The following MACROD2 variants were observed in gnomAD, a reference collection of about 807,000 sequenced individuals.
MACROD2 encodes ADP-ribose glycohydrolase MACROD2.
In MACROD2, 36 loss-of-function variants were observed where a neutral mutation model predicts 70.4. The ratio of observed to expected loss-of-function variants is 0.51; its 90% CI spans 0.39 to 0.68. The LOEUF (loss-of-function observed/expected upper bound fraction) is 0.68. Among genes scored for constraint, MACROD2 ranks in the 30% least tolerant of loss-of-function variants. The pLI is 0.00. For missense variants in MACROD2, 496 were observed against 538.4 expected, an observed-to-expected ratio of 0.92 and a Z score of 0.78; for synonymous variants, 172 against 178.8, an observed-to-expected ratio of 0.96 and a Z score of 0.30.
chr20:15,737,820 C>T (rs1807316339), intron 8 of MACROD2, among the ~76,000 whole-genome samples: 2 of 151,890 alleles, frequency 1.3e-5, no homozygotes, highest in Non-Finnish European at 2.9e-5. Flanking sequence ...GGGGAATAGA[C>T]ATATGTAATG....
At chr20:14,967,444 G>A (rs983848990) in intron 5 of MACROD2, among the ~76,000 whole-genome samples, 5 of 152,020 alleles carry the variant, frequency 3.3e-5, no homozygotes, top group Non-Finnish European at 5.9e-5. Flanking sequence ...GATTACAGGC[G>A]TGAGCCACCG....
At chr20:15,868,395 C>T (rs144818181) in intron 9 of MACROD2, among the ~76,000 whole-genome samples, 3 of 152,234 alleles carry the variant, frequency 2.0e-5, no homozygotes, top group African/African-American at 7.2e-5. Context: ...GTCCTCCTGC[C>T]ACCACCCCAC....
intron 8 of MACROD2, among the ~76,000 whole-genome samples, chr20:15,858,607 T>C (rs1344029706): frequency 1.3e-5 from 2 of 152,204 alleles, no homozygotes; most frequent in African/African-American, 2.4e-5. Flanking sequence ...GCTCATGAAT[T>C]TGAAATCAGC....
At chr20:15,247,235 A>T (rs1021099755) in intron 6 of MACROD2, among the ~76,000 whole-genome samples, 1 of 152,210 alleles carries the variant, frequency 6.6e-6, no homozygotes, top group African/African-American at 2.4e-5. Context: ...TGTCCTGTTT[A>T]TCCTGGAGGA....
chr20:15,412,233 A>G (rs1399063665), intron 6 of MACROD2, among the ~76,000 whole-genome samples: 1 of 152,166 alleles, frequency 6.6e-6, no homozygotes, highest in African/African-American at 2.4e-5. Context: ...TGTTAATGAG[A>G]CACATGAGGA....
intron 5 of MACROD2, among the ~76,000 whole-genome samples, chr20:14,969,387 CACACACACACACACATAT>C (rs1471235725): frequency 6.6e-6 from 1 of 150,766 alleles, no homozygotes; most frequent in East Asian, 1.9e-4. Flanking sequence ...CACACACACA[CACACACACACACACATAT>C]ATAAGCATTT....
At chr20:14,455,898 A>T (rs1431265420) in intron 3 of MACROD2, among the ~76,000 whole-genome samples, 1 of 150,504 alleles carries the variant, frequency 6.6e-6, no homozygotes, top group Non-Finnish European at 1.5e-5. Context: ...TAAATGTATT[A>T]AAAAAATGGT....
chr20:15,202,415 C>T (rs1328441494), intron 5 of MACROD2, among the ~76,000 whole-genome samples: 2 of 152,128 alleles, frequency 1.3e-5, no homozygotes, highest in South Asian at 2.1e-4. Context: ...TGGACAACTT[C>T]GTGTATTTCT....
intron 8 of MACROD2, among the ~76,000 whole-genome samples, chr20:15,815,398 G>A (rs2063862500): frequency 6.7e-6 from 1 of 148,838 alleles, no homozygotes; most frequent in Non-Finnish European, 1.5e-5. Flanking sequence ...GTTTTTAAAT[G>A]GCAAAACAAT....
intron 8 of MACROD2, among the ~76,000 whole-genome samples, chr20:15,585,359 G>A (rs746395845): frequency 7.1e-4 from 108 of 152,108 alleles, no homozygotes; most frequent in Non-Finnish European, 1.1e-3. Context: ...ATTGTGCCTA[G>A]ATAATTTTTT....
chr20:15,803,427 A>T (rs2063743087), intron 8 of MACROD2, among the ~76,000 whole-genome samples: 2 of 152,098 alleles, frequency 1.3e-5, no homozygotes, highest in African/African-American at 2.4e-5. Context: ...AGAAAGAGAA[A>T]ATATATTTCA....
At chr20:15,177,822 T>C (rs1222927470) in intron 5 of MACROD2, among the ~76,000 whole-genome samples, 5 of 152,202 alleles carry the variant, frequency 3.3e-5, no homozygotes, top group Non-Finnish European at 5.9e-5. Context: ...AAATTTCCAT[T>C]GAATGAATTG....
intron 3 of MACROD2, among the ~76,000 whole-genome samples, chr20:14,474,226 T>A (rs1476496539): frequency 6.6e-6 from 1 of 152,146 alleles, no homozygotes; most frequent in Non-Finnish European, 1.5e-5. Context: ...GATTTTGAGG[T>A]CTTATCCAAA....
chr20:15,198,116 C>G (rs2076622499), intron 5 of MACROD2, among the ~76,000 whole-genome samples: 1 of 152,058 alleles, frequency 6.6e-6, no homozygotes, highest in Non-Finnish European at 1.5e-5. Flanking sequence ...CGTGTACCAC[C>G]ACACCGGCTA....
chr20:14,526,989 T>A (rs528538432), intron 4 of MACROD2, among the ~76,000 whole-genome samples: 1 of 152,224 alleles, frequency 6.6e-6, no homozygotes, highest in Non-Finnish European at 1.5e-5. Flanking sequence ...TATGTGGACT[T>A]GGAGAATGAG....
intron 4 of MACROD2, among the ~76,000 whole-genome samples, chr20:14,579,435 C>T (rs368263136): frequency 2.0e-5 from 3 of 152,138 alleles, no homozygotes; most frequent in African/African-American, 7.2e-5. Context: ...GCCACCGCGC[C>T]CGGCCAACTG....
chr20:15,192,010 CTATG>C (rs1390642824), intron 5 of MACROD2, among the ~76,000 whole-genome samples: 12 of 111,406 alleles, frequency 1.1e-4, no homozygotes, highest in African/African-American at 4.1e-4. Flanking sequence ...CCTCTATTAA[CTATG>C]TATCTATCTA....
chr20:15,838,122 G>A (rs2064133815), intron 8 of MACROD2, among the ~76,000 whole-genome samples: 2 of 152,046 alleles, frequency 1.3e-5, no homozygotes, highest in South Asian at 2.1e-4. Flanking sequence ...TCAAGATTGG[G>A]CAGCTTTTGA....
At chr20:14,808,529 A>G (rs564336415) in intron 5 of MACROD2, among the ~76,000 whole-genome samples, 29 of 152,100 alleles carry the variant, frequency 1.9e-4, no homozygotes, top group Non-Finnish European at 3.4e-4. Flanking sequence ...GCATAAACTA[A>G]TGGGCAAAAT....
Sources: gnomAD v4.1 joint callset for allele counts (sites outside exome capture counted in the v4.1 genomes callset) on GRCh38, gnomAD v4.1.1 for gene constraint, MANE v1.5 for transcripts, NCBI Gene and HGNC (gene_info 2026-07-23, HGNC 2026-07-21) for gene names.